Variants in LIAS observed in about 807,000 individuals in gnomAD.
LIAS encodes lipoyl synthase, mitochondrial.
LIAS carries 36 observed loss-of-function variants against 49.4 expected under a neutral mutation model. The observed-to-expected ratio is 0.73, with a 90% CI of 0.56 to 0.96. The LOEUF (loss-of-function observed/expected upper bound fraction) is 0.96. Among genes scored for constraint, LIAS ranks in the 40% least tolerant of loss-of-function variants. The probability of loss-of-function intolerance (pLI) is 0.00; values close to 1 mark genes in which losing one functional copy is unlikely to be tolerated. For missense variants in LIAS, 399 were observed against 456.3 expected (o/e 0.87, Z 1.14); for synonymous variants, 145 against 155.8 (o/e 0.93, Z 0.52).
chr4:39,478,140 T>C lies in LIAS; in HGVS notation c.*1025T>C, dbSNP rs1745267586. 1 of 152,268 alleles carries C rather than the reference T, an allele frequency of 6.6e-6. No homozygotes were observed. The allele number at this position is 152,268 out of a possible 1,614,324, so 9.4% of individuals were successfully genotyped here. A position where few individuals can be genotyped will look rare whatever the true frequency, so the allele number is the denominator to read the frequency against. ...GCATTTCATTCAACTTTAGCATTCA[T>C]TCAACGTAGATTGAAACTCATCAGA... is the stretch of plus-strand genomic sequence containing the variant. On this transcript the variant is annotated 3_prime_UTR_variant, in exon 11 of 11. Coordinates refer to ENST00000640888, the MANE Select transcript of LIAS (RefSeq NM_006859.4).
rs1745225051 is a variant in LIAS at position 39,477,242 on chromosome 4, T to A, written c.*127T>A. The A allele has an allele frequency of 4.6e-5, 33 of 713,660 alleles. No individual in the cohort carries two copies. The South Asian group carries it at 5.5e-4, about 12-fold the overall frequency. The allele number at this position is 713,660 out of a possible 1,614,324, so 44.2% of individuals were successfully genotyped here. ...ACCTCTTTGCTTAAAAAAAAAAATG[T>A]CAATAGCCAGGCATAGTGGCTCACG... On this transcript the variant is annotated 3_prime_UTR_variant, in exon 11 of 11. Transcript: ENST00000640888.
intron 9 of LIAS, among the ~76,000 whole-genome samples, chr4:39,472,822 G>A (rs1324271104): frequency 3.3e-5 from 5 of 152,196 alleles, no homozygotes; most frequent in Non-Finnish European, 7.3e-5. Flanking sequence ...AATAATATCT[G>A]TAGATAATCT....
At position 39,478,728 on chromosome 4, in the gene LIAS, A is replaced by G. The variant is rs956633069; in HGVS notation, c.*1613A>G. 4 of 152,206 alleles carry G rather than the reference A, an allele frequency of 2.6e-5. No individual in the cohort carries two copies. The South Asian group carries it at 6.2e-4, about 24-fold the overall frequency. The allele number at this position is 152,206 out of a possible 1,614,324, so 9.4% of individuals were successfully genotyped here. On this transcript the variant is annotated 3_prime_UTR_variant, in exon 11 of 11. Transcript: ENST00000640888. ...CACATTGGTTGTATTATATGATGGT[A>G]AAGGCCTGAGAAAGGAATTTCCTTC...
chr4:39,461,053 A>G, intron 2 of LIAS, 91 bp downstream of exon 2: 1 of 1,068,994 alleles, frequency 9.4e-7, no homozygotes, highest in Non-Finnish European at 1.3e-6. Context: ...TGTTTTTAAT[A>G]TCAGACTTGT....
At position 39,471,282 on chromosome 4, in the gene LIAS, G is replaced by A. The variant is rs796052700; in HGVS notation, c.930G>A (p.Met310Ile). 4.4e-5 allele frequency: 71 copies of A among 1,609,870 alleles called. No individual in the cohort carries two copies. The highest frequency in any genetic ancestry group is 5.8e-5 in the Non-Finnish European group (68 of 1,178,032). ...DVDCLTLGQY[M>I]QPTRRHLKVE... ...ACTGCTTGACTTTAGGACAATATAT[G>A]CAGCCAACAAGGCGTCACCTTAAGG... is the stretch of plus-strand genomic sequence containing the variant. The change falls in exon 9 of 11, where the codon ATG (methionine) becomes ATA (isoleucine). Residue 310 changes from methionine to isoleucine, a missense_variant. This residue lies in a region of LIAS where 234 missense variants were observed against 292.2 expected (regional missense o/e 0.80). Coordinates refer to ENST00000640888, the MANE Select transcript of LIAS (RefSeq NM_006859.4).
At chr4:39,470,972 T>G (rs188437203) in intron 8 of LIAS, among the ~76,000 whole-genome samples, 1 of 152,224 alleles carries the variant, frequency 6.6e-6, no homozygotes, top group Admixed American at 6.5e-5. Context: ...CACTACTATT[T>G]TAGCATTGAT....
chr4:39,476,612 G>A (rs1745201152), intron 10 of LIAS: 1 of 154,102 alleles, frequency 6.5e-6, no homozygotes, highest in African/African-American at 2.4e-5. Context: ...AGGGGAATAA[G>A]CTAAAGAGAT....
intron 9 of LIAS, among the ~76,000 whole-genome samples, chr4:39,471,517 A>ATTTTTTTTTT (rs766866733): frequency 1.3e-5 from 1 of 74,352 alleles, no homozygotes; most frequent in African/African-American, 4.8e-5. Flanking sequence ...CATATATATA[A>ATTTTTTTTTT]TTTTTTTTTT....
In LIAS at chr4:39,470,035, C is replaced by T. The variant is rs775053206; in HGVS notation, c.754C>T (p.Arg252Trp). ...GTTTTCCAGTAAGGTTCGTGATCCT[C>T]GGGCCAATTTTGATCAGTCCCTACG... ...PELQSKVRDP[R>W]ANFDQSLRVL... Residue 252 changes from arginine (R) to tryptophan (W), a missense_variant, in exon 8 of 11, where the codon CGG becomes TGG. Around this residue, in one of 3 missense-constraint regions of LIAS, gnomAD observed 234 missense variants for 292.2 expected, o/e 0.80. Coordinates refer to ENST00000640888, the MANE Select transcript of LIAS (RefSeq NM_006859.4). 1.6e-5 allele frequency: 25 copies of T among 1,607,986 alleles called. No individual in the cohort carries two copies. Among genetic ancestry groups the T allele is most frequent in the African/African-American group, 2.7e-5 (2 of 74,820 alleles).
At position 39,471,296 on chromosome 4, in the gene LIAS, G is replaced by A. The variant is rs145535775; in HGVS notation, c.944G>A (p.Arg315His). The part of the protein sequence containing the change: ...TLGQYMQPTR[R>H]HLKVEEYITP... ...GGACAATATATGCAGCCAACAAGGC[G>A]TCACCTTAAGGTACATGTATCTTGA... is the stretch of plus-strand genomic sequence containing the variant. The change falls in exon 9 of 11, where the codon CGT (arginine) becomes CAT (histidine). Residue 315 changes from arginine to histidine, a missense_variant. Physicochemically the swap from Arg to His is conservative, Grantham distance 29. Coordinates refer to ENST00000640888, the MANE Select transcript of LIAS (RefSeq NM_006859.4). 3.2e-4 allele frequency: 509 copies of A among 1,604,120 alleles called. 2 individuals are homozygous for A. Among genetic ancestry groups the A allele is most frequent in the Non-Finnish European group, 6.4e-5 (75 of 1,174,004 alleles).
At chr4:39,465,437 T>C (rs887345063) in intron 6 of LIAS, 95 bp downstream of exon 6, 12 of 1,046,970 alleles carry the variant, frequency 1.1e-5, no homozygotes, top group Non-Finnish European at 1.6e-5. Context: ...TTATTCACTT[T>C]TTGAGGAGTT....
At position 39,459,461 on chromosome 4, in the gene LIAS, C is replaced by A. The variant is rs369753103; in HGVS notation, c.45+299C>A. ...GCAGTGAGCACCCCACATAGCTATT[C>A]TGTCTTGGACTCTTACTGTGTGTGA... On this transcript the variant is annotated intron_variant, in intron 1 of 10. Coordinates refer to ENST00000640888, the MANE Select transcript of LIAS (RefSeq NM_006859.4). 7.9e-5 allele frequency among the ~76,000 whole-genome samples: 12 copies of A among 152,294 alleles called. No individual in the cohort carries two copies. The East Asian group carries it at 2.1e-3, about 27-fold the overall frequency.
At chr4:39,465,649 C>A (rs981131250) in intron 6 of LIAS, among the ~76,000 whole-genome samples, 1 of 149,498 alleles carries the variant, frequency 6.7e-6, no homozygotes, top group Non-Finnish European at 1.5e-5. Context: ...AAAGTATAAA[C>A]CTGGTCTTCT....
At chr4:39,459,631 T>A (rs947616936) in intron 1 of LIAS, among the ~76,000 whole-genome samples, 3 of 152,178 alleles carry the variant, frequency 2.0e-5, no homozygotes, top group Non-Finnish European at 2.9e-5. Flanking sequence ...TGCAGACTCG[T>A]GGATTTTGTA....
At chr4:39,465,627 A>G (rs929160640) in intron 6 of LIAS, among the ~76,000 whole-genome samples, 35 of 151,950 alleles carry the variant, frequency 2.3e-4, no homozygotes, top group African/African-American at 8.0e-4. Context: ...AACTTTGAAT[A>G]ATTTTCTTTA....
chr4:39,463,557 A>T lies in LIAS; in HGVS notation c.345A>T (p.Gly115=). Residue 115 remains glycine (G), a synonymous_variant, in exon 4 of 11, where the codon GGA becomes GGT. Coordinates refer to ENST00000640888, the MANE Select transcript of LIAS (RefSeq NM_006859.4). ...VCEEARCPNI[G]ECWGGGEYAT... is the part of the protein sequence containing the mutation. The stretch of plus-strand genomic sequence containing the variant: ...AGGAAGCTCGATGTCCCAATATTGG[A>T]GAGTGTTGGGGAGGTGGAGAATATG... 1 of 1,611,248 alleles carries T rather than the reference A, an allele frequency of 6.2e-7. No homozygotes were observed. The highest frequency in any genetic ancestry group is 1.7e-4 in the Middle Eastern group (1 of 6,054).
At chr4:39,471,343 T>TA (rs1553934859) in intron 9 of LIAS, 37 bp downstream of exon 9, 5 of 1,410,338 alleles carry the variant, frequency 3.5e-6, no homozygotes, top group Non-Finnish European at 3.9e-6. Flanking sequence ...TTTTTTTTTT[T>TA]ATTTTTAAAG....
intron 7 of LIAS, chr4:39,468,985 A>G (rs1197103870): frequency 6.6e-6 from 1 of 152,184 alleles, no homozygotes; most frequent in South Asian, 2.1e-4. Flanking sequence ...ATCATTGGCA[A>G]GTAACACTGA....
chr4:39,471,107 T>C (rs1407314570), intron 8 of LIAS, 129 bp from the exon 9 acceptor site: 2 of 658,934 alleles, frequency 3.0e-6, no homozygotes, highest in East Asian at 5.4e-5. Flanking sequence ...AGATGTTGTC[T>C]TATTCCCCAA....
Sources: allele counts gnomAD v4.1 joint callset (sites outside exome capture counted in the v4.1 genomes callset), GRCh38; gene constraint gnomAD v4.1.1; regional missense constraint gnomAD v4.1.1; transcripts MANE v1.5; gene names NCBI Gene and HGNC (gene_info 2026-07-23, HGNC 2026-07-21).